MPP4: variants seen among roughly 807,000 people sequenced by gnomAD.
The protein encoded by MPP4 is MAGUK p55 subfamily member 4.
MPP4 carries 91 observed loss-of-function variants against 98.3 expected under a neutral mutation model. That is an observed-to-expected ratio of 0.93 (90% CI 0.78 to 1.10). The LOEUF (loss-of-function observed/expected upper bound fraction) is 1.10, where lower values mean the gene tolerates loss of function less well. MPP4 is among the 50% of genes least tolerant of loss of function. The probability of loss-of-function intolerance (pLI) is 0.00; values close to 1 mark genes in which losing one functional copy is unlikely to be tolerated. For synonymous variants in MPP4, 261 were observed against 271.8 expected, an observed-to-expected ratio of 0.96 and a Z score of 0.39; for missense variants, 744 against 792.9, an observed-to-expected ratio of 0.94 and a Z score of 0.74.
chr2:201,683,016 G>C (rs1412072414), intron 7 of MPP4, 100 bp from the exon 8 acceptor site: 1 of 807,636 alleles, frequency 1.2e-6, no homozygotes, highest in Non-Finnish European at 2.0e-6. Context: ...ACCCAAGCAT[G>C]CTCTAAAAAT....
chr2:201,677,723 CAG>C (rs1396891681), intron 10 of MPP4, among the ~76,000 whole-genome samples: 1 of 152,180 alleles, frequency 6.6e-6, no homozygotes, highest in East Asian at 1.9e-4. Context: ...ATCAGATCCT[CAG>C]AGAGGGGAGG....
In MPP4 at chr2:201,697,994, G is replaced by T. The variant is rs960936189; in HGVS notation, c.-101+593C>A. On this transcript the variant is annotated intron_variant, in intron 1 of 21. Coordinates refer to ENST00000409474, the MANE Select transcript of MPP4 (RefSeq NM_033066.3). ...GAAGCTTATCTATTTCTGCTATCTT[G>T]AGAGTGAGAATTCTTGATTGAGACT... 3 of 985,182 alleles carry T rather than the reference G, an allele frequency of 3.0e-6. No homozygotes were observed. In the African/African-American group the frequency reaches 5.2e-5, roughly 17 times the overall value. The allele number at this position is 985,182 out of a possible 1,614,324, so 61.0% of individuals were successfully genotyped here.
Position 201,647,698 on chromosome 2 carries a change from T to G in MPP4, c.1712A>C (p.Lys571Thr), listed in dbSNP as rs374394270. The change falls in exon 21 of 22, where the codon AAG (lysine) becomes ACG (threonine). Residue 571 changes from lysine to threonine, a missense_variant. Lys to Thr is a moderately conservative substitution (Grantham distance 78, BLOSUM62 -1). Coordinates refer to ENST00000409474, the MANE Select transcript of MPP4 (RefSeq NM_033066.3). ...KVITDYYVDM[K>T]FKDEDLQEME... Reference sequence around the variant, plus strand: ...TTTTTGACTTGCTCTTACCTTGAACTTCATGTCCACATAGTAGTCAGTAAT... The same window carrying G: ...TTTTTGACTTGCTCTTACCTTGAACGTCATGTCCACATAGTAGTCAGTAAT... 6.2e-7 allele frequency: 1 copy of G among 1,613,468 alleles called. No homozygotes were observed. Among genetic ancestry groups the G allele is most frequent in the African/African-American group, 1.3e-5 (1 of 75,038 alleles).
chr2:201,678,274 C>A (rs915518140), intron 10 of MPP4, among the ~76,000 whole-genome samples: 1 of 152,030 alleles, frequency 6.6e-6, no homozygotes, highest in African/African-American at 2.4e-5. Context: ...TCTCATTAGG[C>A]CTTTATCCCT....
rs1422408126 is a variant in MPP4, at chr2:201,669,748, T to C, written c.997A>G (p.Ile333Val). The C allele has an allele frequency of 2.1e-6, 3 of 1,445,940 alleles. No homozygotes were observed. Among genetic ancestry groups the C allele is most frequent in the South Asian group, 1.6e-5 (1 of 63,632 alleles). 89.6% of individuals were successfully genotyped at this position (1,445,940 alleles called of 1,614,324 possible). Residue 333 changes from isoleucine to valine, a missense_variant and splice_region_variant, in exon 12 of 22, where the codon ATT becomes GTT. Coordinates refer to ENST00000409474, the MANE Select transcript of MPP4 (RefSeq NM_033066.3). ...PHTCLKSTLS[I>V]SMEEEDDMKI... ...TATTTCTTACCTTCTTCCATAGAAATTGCTGAGTACAAGCAAATGATTGAA... is the reference window on the plus strand; with the variant it reads ...TATTTCTTACCTTCTTCCATAGAAACTGCTGAGTACAAGCAAATGATTGAA...
At chr2:201,664,153 A>T in intron 13 of MPP4, 52 bp from the exon 14 acceptor site, 2 of 1,522,182 alleles carry the variant, frequency 1.3e-6, no homozygotes, top group East Asian at 4.9e-5. Flanking sequence ...ATGACCATCT[A>T]CACTGAGTCT....
rs376930017 is a variant in MPP4 at position 201,682,939 on chromosome 2, C to A, written c.575-23G>T. ...ACCCTAGGCAGACAGTAACAAAAAA[C>A]AAAGAAAGATACAAAGAAGTAGGAT... is the stretch of plus-strand genomic sequence containing the variant. On this transcript the variant is annotated intron_variant, in intron 7 of 21. Coordinates refer to ENST00000409474, the MANE Select transcript of MPP4 (RefSeq NM_033066.3). 2.0e-4 allele frequency: 324 copies of A among 1,592,348 alleles called. 1 individual carries two copies. In the African/African-American group the frequency reaches 3.9e-3, roughly 19 times the overall value.
chr2:201,661,471 G>T (rs779121850), intron 14 of MPP4: 2 of 456,542 alleles, frequency 4.4e-6, no homozygotes, highest in Non-Finnish European at 8.8e-6. Flanking sequence ...CAGAGAGCTG[G>T]GTTCAGAACG....
At chr2:201,671,105 G>A (rs149422738) in intron 11 of MPP4, among the ~76,000 whole-genome samples, 5 of 152,304 alleles carry the variant, frequency 3.3e-5, no homozygotes, top group East Asian at 1.9e-4. Context: ...CACCAGGGCC[G>A]TGGGTTTCAA....
intron 12 of MPP4, among the ~76,000 whole-genome samples, chr2:201,667,952 G>A (rs939023495): frequency 1.3e-5 from 2 of 152,094 alleles, no homozygotes; most frequent in Non-Finnish European, 2.9e-5. Context: ...TATTCATTTA[G>A]AGATTATTTT....
chr2:201,645,151 A>G lies in MPP4; in HGVS notation c.*59T>C, dbSNP rs1687525766. The G allele has an allele frequency of 2.1e-6, 3 of 1,403,142 alleles. No homozygotes were observed. Among genetic ancestry groups the G allele is most frequent in the South Asian group, 1.5e-5 (1 of 65,502 alleles). 86.9% of individuals were successfully genotyped at this position (1,403,142 alleles called of 1,614,324 possible). On this transcript the variant is annotated 3_prime_UTR_variant, in exon 22 of 22. Coordinates refer to ENST00000409474, the MANE Select transcript of MPP4 (RefSeq NM_033066.3). ...GTCAAATACTGTTGTTTTAGATTGC[A>G]ACTATGGATCGCTGTATCAAGGGTA...
At chr2:201,650,557 C>T (rs1371890916) in intron 18 of MPP4, 2 of 985,296 alleles carry the variant, frequency 2.0e-6, no homozygotes, top group Non-Finnish European at 2.4e-6. Context: ...CTCATTTCAT[C>T]TTCCACACTC....
chr2:201,654,797 A>C, intron 18 of MPP4, 40 bp downstream of exon 18: 1 of 1,483,420 alleles, frequency 6.7e-7, no homozygotes, highest in Non-Finnish European at 9.2e-7. Flanking sequence ...AGAAAGTTTT[A>C]CCAAAACACA....
chr2:201,645,657 AT>A lies in MPP4; in HGVS notation c.1720-254del, dbSNP rs556964874. On this transcript the variant is annotated intron_variant, in intron 21 of 21. Transcript: ENST00000409474. ...AATGTGGCTAAGTATAGATAAAATA[AT>A]TTTTTTTTTTTTTAGACAGGGTCCC... Among the ~76,000 whole-genome samples the A allele has an allele frequency of 3.4e-3, 489 of 145,358 alleles. 1 individual carries two copies. Among genetic ancestry groups the A allele is most frequent in the Middle Eastern group, 7.2e-3 (2 of 276 alleles).
At chr2:201,664,334 G>T in intron 13 of MPP4, 1 of 1,431,584 alleles carries the variant, frequency 7.0e-7, no homozygotes, top group Admixed American at 2.1e-5. Context: ...GGTGCAGCAG[G>T]AGCTCAAAAT....
chr2:201,684,751 C>T (rs556015642), intron 7 of MPP4, among the ~76,000 whole-genome samples: 9 of 151,956 alleles, frequency 5.9e-5, no homozygotes, highest in Non-Finnish European at 1.2e-4. Flanking sequence ...GAGATTGAGA[C>T]CATCCTGGCT....
intron 18 of MPP4, among the ~76,000 whole-genome samples, chr2:201,652,778 G>GC (rs1003125594): frequency 1.1e-4 from 17 of 152,110 alleles, no homozygotes; most frequent in Non-Finnish European, 2.5e-4. Flanking sequence ...GCTTCTCTCT[G>GC]CCCCCGATAG....
chr2:201,661,806 C>T (rs1285887345), intron 14 of MPP4, among the ~76,000 whole-genome samples: 3 of 152,272 alleles, frequency 2.0e-5, no homozygotes, highest in East Asian at 1.9e-4. Flanking sequence ...TGGCTGGAGT[C>T]GGTGGTCTCA....
intron 8 of MPP4, among the ~76,000 whole-genome samples, chr2:201,682,201 G>A (rs934825747): frequency 7.9e-5 from 12 of 152,192 alleles, no homozygotes; most frequent in African/African-American, 2.9e-4. Flanking sequence ...GGGGGTAGAA[G>A]CCATGCATAT....
Sources: gnomAD v4.1 joint callset for allele counts (sites outside exome capture counted in the v4.1 genomes callset) on GRCh38, gnomAD v4.1.1 for gene constraint, MANE v1.5 for transcripts, NCBI Gene and HGNC (gene_info 2026-07-23, HGNC 2026-07-21) for gene names.